Variants in NPFFR2 observed in about 807,000 individuals in gnomAD.
The protein encoded by NPFFR2 is G-protein coupled receptor 74.
A neutral mutation model predicts 13.1 loss-of-function variants in NPFFR2; 15 were observed. The observed-to-expected ratio is 1.15, with a 90% CI of 0.77 to 1.76. The LOEUF is 1.76. Among genes scored for constraint, NPFFR2 ranks in the 40% most tolerant of loss-of-function variants. The probability of loss-of-function intolerance (pLI) is 0.00; values close to 1 mark genes in which losing one functional copy is unlikely to be tolerated. For synonymous variants in NPFFR2, 190 were observed against 175.7 expected (o/e 1.08, Z -0.65); for missense variants, 572 against 503.5 (o/e 1.14, Z -1.30).
chr4:72,073,324 C>T (rs10024252), intron 1 of NPFFR2, among the ~76,000 whole-genome samples: 136,713 of 151,934 alleles, frequency 0.9, 62,457 homozygotes, highest in Non-Finnish European at 0.98. Context: ...TAAACATATA[C>T]AACTACAATG....
At chr4:72,121,085 C>T (rs183281588) in intron 1 of NPFFR2, among the ~76,000 whole-genome samples, 13 of 151,876 alleles carry the variant, frequency 8.6e-5, no homozygotes, top group African/African-American at 2.7e-4. Flanking sequence ...AAACACAGCA[C>T]GAGAACTTCA....
chr4:72,136,834 T>C (rs1722432231), intron 2 of NPFFR2, among the ~76,000 whole-genome samples: 1 of 152,212 alleles, frequency 6.6e-6, no homozygotes, highest in Non-Finnish European at 1.5e-5. Flanking sequence ...TGGCATCTAA[T>C]TGGATTTATA....
intron 1 of NPFFR2, among the ~76,000 whole-genome samples, chr4:72,093,204 A>G (rs530304542): frequency 3.3e-5 from 5 of 152,332 alleles, no homozygotes; most frequent in Admixed American, 2.0e-4. Context: ...GTCTGCTGTT[A>G]ATCAGATAGG....
At chr4:72,093,336 G>T (rs556264155) in intron 1 of NPFFR2, among the ~76,000 whole-genome samples, 5 of 152,172 alleles carry the variant, frequency 3.3e-5, no homozygotes, top group African/African-American at 7.2e-5. Flanking sequence ...AATGAATTTG[G>T]CAGGTGTTCT....
intron 2 of NPFFR2, among the ~76,000 whole-genome samples, chr4:72,130,224 T>C (rs1267560397): frequency 1.3e-5 from 2 of 152,188 alleles, no homozygotes; most frequent in African/African-American, 4.8e-5. Flanking sequence ...TGTATTTTCT[T>C]AATAAAGTTC....
chr4:72,147,240 C>T lies in NPFFR2; in HGVS notation c.691C>T (p.Pro231Ser), dbSNP rs1419618635. 6.2e-7 allele frequency: 1 copy of T among 1,614,162 alleles called. No individual in the cohort carries two copies. Among genetic ancestry groups the T allele is most frequent in the Non-Finnish European group, 8.5e-7 (1 of 1,180,036 alleles). ...TVLFANIYLA[P>S]LSLIVIMYGR... ...GCTGTTTGCCAACATCTACCTGGCT[C>T]CCCTCTCCCTCATTGTCATCATGTA... is the stretch of plus-strand genomic sequence containing the variant. The change falls in exon 4 of 4, where the codon CCC (proline) becomes TCC (serine). Residue 231 changes from proline to serine, a missense_variant. Transcript: ENST00000308744.
At chr4:72,079,053 AACACACACACACACACAC>A (rs59522916) in intron 1 of NPFFR2, among the ~76,000 whole-genome samples, 2 of 139,104 alleles carry the variant, frequency 1.4e-5, no homozygotes, top group Admixed American at 7.2e-5. Flanking sequence ...CATAGAACTA[AACACACACACACACACAC>A]ACACACACAC....
chr4:72,130,975 C>T lies in NPFFR2; in HGVS notation c.328+2056C>T, dbSNP rs116767637. 1.4e-3 allele frequency among the ~76,000 whole-genome samples: 216 copies of T among 152,120 alleles called. 2 individuals are homozygous for T. Among genetic ancestry groups the T allele is most frequent in the African/African-American group, 4.9e-3 (204 of 41,510 alleles). Reference sequence around the variant, plus strand: ...CTCTCAGCAGGATAGAGAGCTGGAACGGGGATGGAGTGGGAAGATGATTGA... The same window carrying T: ...CTCTCAGCAGGATAGAGAGCTGGAATGGGGATGGAGTGGGAAGATGATTGA... On this transcript the variant is annotated intron_variant, in intron 2 of 3. Coordinates refer to ENST00000308744, the MANE Select transcript of NPFFR2 (RefSeq NM_004885.3).
chr4:72,133,938 T>A (rs965826307), intron 2 of NPFFR2, among the ~76,000 whole-genome samples: 5 of 139,962 alleles, frequency 3.6e-5, no homozygotes, highest in African/African-American at 9.9e-5. Context: ...TATTTTAAAT[T>A]ACATTAATTA....
chr4:72,107,430 A>G (rs1560413289), intron 1 of NPFFR2, among the ~76,000 whole-genome samples: 2 of 151,398 alleles, frequency 1.3e-5, no homozygotes, highest in Non-Finnish European at 2.9e-5. Context: ...AGATCATCCT[A>G]TATGTTTCCC....
intron 2 of NPFFR2, among the ~76,000 whole-genome samples, chr4:72,135,970 T>C (rs1722397874): frequency 6.6e-6 from 1 of 152,178 alleles, no homozygotes; most frequent in South Asian, 2.1e-4. Context: ...TTATCATTTC[T>C]TTATGTTAAG....
At chr4:72,060,368 C>G (rs1209986245) in intron 1 of NPFFR2, among the ~76,000 whole-genome samples, 1 of 151,964 alleles carries the variant, frequency 6.6e-6, no homozygotes, top group Non-Finnish European at 1.5e-5. Context: ...TCAATGACAC[C>G]ATCTCCAGCT....
intron 3 of NPFFR2, among the ~76,000 whole-genome samples, chr4:72,144,781 T>C (rs771745927): frequency 2.0e-5 from 3 of 152,138 alleles, no homozygotes; most frequent in Non-Finnish European, 4.4e-5. Flanking sequence ...ACAAAAAACC[T>C]GAGCTTTATC....
intron 1 of NPFFR2, among the ~76,000 whole-genome samples, chr4:72,043,472 G>C (rs7676638): frequency 0.88 from 133,467 of 152,302 alleles, 59,910 homozygotes; most frequent in Non-Finnish European, 0.98. Context: ...TCAGTAAGGG[G>C]GCTGTGCCCT....
intron 1 of NPFFR2, among the ~76,000 whole-genome samples, chr4:72,048,764 A>G (rs915003578): frequency 6.6e-6 from 1 of 151,428 alleles, no homozygotes; most frequent in African/African-American, 2.4e-5. Context: ...TTTTTCTACT[A>G]CTTCTCAGTA....
intron 1 of NPFFR2, among the ~76,000 whole-genome samples, chr4:72,107,037 T>A (rs1455539999): frequency 6.6e-6 from 1 of 151,776 alleles, no homozygotes; most frequent in South Asian, 2.1e-4. Flanking sequence ...TCTACCTATC[T>A]CCCCCACCAC....
At position 72,146,966 on chromosome 4, in the gene NPFFR2, G is replaced by GCCTCA; in HGVS notation, c.429-12_429-11insCCTCA. On this transcript the variant is annotated splice_polypyrimidine_tract_variant and intron_variant, in intron 3 of 3. Transcript: ENST00000308744. Reference sequence around the variant, plus strand: ...GAAGCAGTGCCTCATTTATATTTGTGTTTAATTGCAGGTTCCAGTGTGTGG... The same window carrying GCCTCA: ...GAAGCAGTGCCTCATTTATATTTGTGCCTCATTTAATTGCAGGTTCCAGTGTGTGG... 6.4e-7 allele frequency: 1 copy of GCCTCA among 1,573,576 alleles called. No homozygotes were observed. Among genetic ancestry groups the GCCTCA allele is most frequent in the Non-Finnish European group, 8.7e-7 (1 of 1,149,536 alleles).
At chr4:72,099,374 G>A (rs947804066) in intron 1 of NPFFR2, among the ~76,000 whole-genome samples, 8 of 151,012 alleles carry the variant, frequency 5.3e-5, no homozygotes, top group African/African-American at 7.4e-5. Context: ...CATGTATTTC[G>A]TCATTCTTGC....
intron 1 of NPFFR2, among the ~76,000 whole-genome samples, chr4:72,104,781 A>G (rs1335430520): frequency 3.3e-5 from 5 of 152,050 alleles, no homozygotes; most frequent in African/African-American, 1.2e-4. Context: ...GACTATTAAT[A>G]TCAAAGGAAT....
Sources: allele counts gnomAD v4.1 joint callset (sites outside exome capture counted in the v4.1 genomes callset), GRCh38; gene constraint gnomAD v4.1.1; transcripts MANE v1.5; gene names NCBI Gene and HGNC (gene_info 2026-07-23, HGNC 2026-07-21).